The following ST3GAL3 variants were observed in gnomAD, a reference collection of about 807,000 sequenced individuals.
ST3GAL3 encodes CMP-N-acetylneuraminate-beta-1,4-galactoside alpha-2,3-sialyltransferase.
A neutral mutation model predicts 50.1 loss-of-function variants in ST3GAL3; 21 were observed. The ratio of observed to expected loss-of-function variants is 0.42; its 90% CI spans 0.30 to 0.60. The LOEUF is 0.60. Ranked by LOEUF, ST3GAL3 falls within the 20% of genes least tolerant of loss-of-function variation. The pLI, the probability that ST3GAL3 is intolerant of heterozygous loss-of-function variation, is 0.19. For synonymous variants in ST3GAL3, 183 were observed against 190.0 expected (o/e 0.96, Z 0.30); for missense variants, 353 against 489.4 (o/e 0.72, Z 2.63).
At chr1:43,842,940 A>G (rs535811886) in intron 5 of ST3GAL3, among the ~76,000 whole-genome samples, 4 of 152,176 alleles carry the variant, frequency 2.6e-5, no homozygotes, top group Non-Finnish European at 5.9e-5. Flanking sequence ...ATGTATGTGT[A>G]GGTCTCCTTC....
rs66728967 is a variant in ST3GAL3 at position 43,728,358 on chromosome 1, C to CAA, written c.-30-7871_-30-7870dup. The stretch of plus-strand genomic sequence containing the variant: ...CCTTCTCAGAAAACAAAAACAAAAA[C>CAA]AAAAACACCATCAAAATCTAGGTAC... On this transcript the variant is annotated intron_variant, in intron 1 of 11. Coordinates refer to ENST00000347631, the MANE Select transcript of ST3GAL3 (RefSeq NM_006279.5). Among the ~76,000 whole-genome samples the CAA allele has an allele frequency of 1.1e-4, 16 of 151,810 alleles. No homozygotes were observed. In the East Asian group the frequency reaches 1.6e-3, roughly 15 times the overall value.
intron 5 of ST3GAL3, among the ~76,000 whole-genome samples, chr1:43,875,935 CTTCTTCTTCTTCTTCTTATTA>C (rs1170357274): frequency 0.031 from 1,774 of 56,966 alleles, 13 homozygotes; most frequent in Middle Eastern, 0.081. Context: ...TCTTCTTCTT[CTTCTTCTTCTTCTTCTTATTA>C]TTATTATTAT....
intron 2 of ST3GAL3, among the ~76,000 whole-genome samples, chr1:43,784,242 C>T (rs1315911898): frequency 6.6e-6 from 1 of 152,160 alleles, no homozygotes; most frequent in Admixed American, 6.5e-5. Flanking sequence ...GGCGTGGTGG[C>T]TCGTGCCTGT....
At chr1:43,915,429 A>G (rs1017198527) in intron 9 of ST3GAL3, among the ~76,000 whole-genome samples, 1 of 152,216 alleles carries the variant, frequency 6.6e-6, no homozygotes, top group African/African-American at 2.4e-5. Context: ...TGGTTTATCC[A>G]TAAGGAAATG....
chr1:43,795,387 C>G (rs937804719), intron 3 of ST3GAL3, among the ~76,000 whole-genome samples: 19 of 152,170 alleles, frequency 1.2e-4, no homozygotes, highest in African/African-American at 4.6e-4. Flanking sequence ...GTTTACCTAG[C>G]CTTCAGTTTT....
intron 9 of ST3GAL3, chr1:43,913,349 T>C (rs2081259907): frequency 6.6e-6 from 1 of 152,206 alleles, no homozygotes; most frequent in Non-Finnish European, 1.5e-5. Context: ...TCCTTACAGC[T>C]ATCTGGGAAG....
rs57947852 is a variant in ST3GAL3 at position 43,813,860 on chromosome 1, GACACACACACAC to G, written c.167-1008_167-997del. Among the ~76,000 whole-genome samples the G allele has an allele frequency of 2.2e-3, 314 of 144,536 alleles. 1 individual carries two copies. Among genetic ancestry groups the G allele is most frequent in the Admixed American group, 3.1e-3 (45 of 14,414 alleles). The allele number at this position is 144,536 out of a possible 152,430, so 94.8% of individuals were successfully genotyped here. Reference sequence around the variant, plus strand: ...CATAGGCCACTTTATTTTTTGGCTAGACACACACACACACACACACACACACACACACACGCA... The same window carrying G: ...CATAGGCCACTTTATTTTTTGGCTAGACACACACACACACACACACACGCA... On this transcript the variant is annotated intron_variant, in intron 3 of 11. Transcript: ENST00000347631.
chr1:43,830,285 C>T lies in ST3GAL3; in HGVS notation c.210-7934C>T, dbSNP rs191914709. On this transcript the variant is annotated intron_variant, in intron 4 of 11. Transcript: ENST00000347631. ...TCCTGGGCTCTAGTGAATCTTCCCA[C>T]CTTGACTTCCCAAAGTGCTGGGATT... 2.0e-3 allele frequency among the ~76,000 whole-genome samples: 299 copies of T among 152,196 alleles called. 1 individual carries two copies. Among genetic ancestry groups the T allele is most frequent in the Middle Eastern group, 0.014 (4 of 294 alleles).
chr1:43,822,518 C>T (rs2062238137), intron 4 of ST3GAL3, among the ~76,000 whole-genome samples: 1 of 152,166 alleles, frequency 6.6e-6, no homozygotes. Context: ...CAACTCTTAA[C>T]CCCCAGAGCC....
chr1:43,866,474 C>T (rs534298985), intron 5 of ST3GAL3, among the ~76,000 whole-genome samples: 43 of 152,128 alleles, frequency 2.8e-4, no homozygotes, highest in African/African-American at 1.0e-3. Context: ...GTCCCAGCTA[C>T]TCGAGAGGCT....
At chr1:43,764,479 A>C (rs1335329650) in intron 2 of ST3GAL3, among the ~76,000 whole-genome samples, 1 of 152,190 alleles carries the variant, frequency 6.6e-6, no homozygotes, top group African/African-American at 2.4e-5. Context: ...AAACTCTGAG[A>C]TAAAGATTAG....
intron 3 of ST3GAL3, among the ~76,000 whole-genome samples, chr1:43,812,344 T>C (rs1160977347): frequency 1.3e-5 from 2 of 152,204 alleles, no homozygotes; most frequent in Non-Finnish European, 2.9e-5. Flanking sequence ...GCACACACTC[T>C]CCAGATGGAC....
chr1:43,780,416 CAGAG>C (rs1698992901), intron 2 of ST3GAL3, among the ~76,000 whole-genome samples: 1 of 152,124 alleles, frequency 6.6e-6, no homozygotes, highest in South Asian at 2.1e-4. Flanking sequence ...GCTGGACACT[CAGAG>C]GGCCCTTTTA....
intron 2 of ST3GAL3, among the ~76,000 whole-genome samples, chr1:43,770,505 A>G (rs1260400707): frequency 6.6e-6 from 1 of 152,176 alleles, no homozygotes; most frequent in Non-Finnish European, 1.5e-5. Context: ...AAGGAGAAAA[A>G]GAAGCAAGCT....
At chr1:43,858,410 T>C in intron 5 of ST3GAL3, 1 of 1,038,394 alleles carries the variant, frequency 9.6e-7, no homozygotes, top group Non-Finnish European at 1.2e-6. Context: ...GTAGGGATGC[T>C]TAGAAGCACA....
chr1:43,880,751 G>C (rs893932185), intron 5 of ST3GAL3, among the ~76,000 whole-genome samples: 1 of 152,124 alleles, frequency 6.6e-6, no homozygotes, highest in Non-Finnish European at 1.5e-5. Flanking sequence ...GTTCCCTAAG[G>C]GGCCAGTGAC....
intron 1 of ST3GAL3, among the ~76,000 whole-genome samples, chr1:43,720,708 G>T (rs144958910): frequency 2.7e-4 from 41 of 152,282 alleles, no homozygotes; most frequent in African/African-American, 9.1e-4. Context: ...TTGTATTGGA[G>T]ATTAAGTTTC....
chr1:43,899,423 C>T lies in ST3GAL3; in HGVS notation c.558-118C>T. ...TTGGAACAGACAACTAGCGGGGGCA[C>T]CTGGGGAGAATAGGTCCAGGTGACC... On this transcript the variant is annotated intron_variant, in intron 8 of 11. Coordinates refer to ENST00000347631, the MANE Select transcript of ST3GAL3 (RefSeq NM_006279.5). This position sits in a 1 kb window ranked among gnomAD's most constrained non-coding sequence, Gnocchi z 5.4. 40 of 1,573,992 alleles carry T rather than the reference C, an allele frequency of 2.5e-5. No homozygotes were observed. The highest frequency in any genetic ancestry group is 3.4e-5 in the Non-Finnish European group (39 of 1,158,292).
chr1:43,775,184 TC>T (rs2154136421), intron 2 of ST3GAL3, among the ~76,000 whole-genome samples: 1 of 152,252 alleles, frequency 6.6e-6, no homozygotes, highest in African/African-American at 2.4e-5. Flanking sequence ...AAGAAGCTCT[TC>T]CTGATTGCCA....
Sources: gnomAD v4.1 joint callset for allele counts (sites outside exome capture counted in the v4.1 genomes callset) on GRCh38, gnomAD v4.1.1 for gene constraint, Gnocchi (gnomAD v3.1) non-coding constraint, MANE v1.5 for transcripts, NCBI Gene and HGNC (gene_info 2026-07-23, HGNC 2026-07-21) for gene names.